IMMP2L: variants seen among roughly 807,000 people sequenced by gnomAD.
The protein encoded by IMMP2L is inner mitochondrial membrane peptidase subunit 2, also known as mitochondrial inner membrane protease subunit 2.
A neutral mutation model predicts 19.3 loss-of-function variants in IMMP2L; 18 were observed. That is an observed-to-expected ratio of 0.93 (90% CI 0.64 to 1.38). IMMP2L has a LOEUF of 1.38. Ranked by LOEUF, IMMP2L falls within the 40% of genes most tolerant of loss-of-function variation. The pLI is 0.00. For missense variants in IMMP2L, 233 were observed against 218.2 expected, an observed-to-expected ratio of 1.07 and a Z score of -0.43; for synonymous variants, 76 against 73.0, an observed-to-expected ratio of 1.04 and a Z score of -0.21.
intron 3 of IMMP2L, among the ~76,000 whole-genome samples, chr7:111,324,052 T>G (rs567649848): frequency 6.6e-6 from 1 of 152,092 alleles, no homozygotes; most frequent in East Asian, 1.9e-4. Flanking sequence ...AATGATGAGT[T>G]AATGGGTGCA....
intron 3 of IMMP2L, among the ~76,000 whole-genome samples, chr7:111,028,447 C>A (rs1827085371): frequency 6.6e-6 from 1 of 152,108 alleles, no homozygotes; most frequent in South Asian, 2.1e-4. Flanking sequence ...AGGGAAATCT[C>A]ATTACTGCTG....
At chr7:110,825,764 G>C (rs1242982564) in intron 5 of IMMP2L, among the ~76,000 whole-genome samples, 3 of 152,140 alleles carry the variant, frequency 2.0e-5, no homozygotes, top group South Asian at 4.1e-4. Context: ...TACCATTCAG[G>C]ACATAGGCAT....
At chr7:111,538,806 C>A (rs1182307904) in intron 1 of IMMP2L, among the ~76,000 whole-genome samples, 2 of 131,576 alleles carry the variant, frequency 1.5e-5, no homozygotes, top group East Asian at 4.4e-4. Context: ...CAATGAGACC[C>A]TGGCTCATTT....
Position 111,266,106 on chromosome 7 carries a change from TTGTC to T in IMMP2L, c.239+221128_239+221131del, listed in dbSNP as rs770464161. Among the ~76,000 whole-genome samples the T allele has an allele frequency of 3.1e-4, 47 of 152,330 alleles. No individual in the cohort carries two copies. In the South Asian group the frequency reaches 3.5e-3, roughly 11 times the overall value. ...AAGCATATTTTACTTACTTAGTTTA[TTGTC>T]TGTCTTCCTTGAATATAATGTAATA... On this transcript the variant is annotated intron_variant, in intron 3 of 5. Coordinates refer to ENST00000405709, the MANE Select transcript of IMMP2L (RefSeq NM_032549.4).
At chr7:111,273,543 G>A (rs1048918680) in intron 3 of IMMP2L, among the ~76,000 whole-genome samples, 1 of 152,104 alleles carries the variant, frequency 6.6e-6, no homozygotes, top group African/African-American at 2.4e-5. Context: ...ATGGGTATGG[G>A]GTCATCATGA....
rs186334249 is a variant in IMMP2L, at chr7:111,280,969, C to T, written c.239+206269G>A. Among the ~76,000 whole-genome samples, 676 of 151,708 alleles carry T rather than the reference C, an allele frequency of 4.5e-3. 21 individuals carry two copies. The highest frequency in any genetic ancestry group is 0.039 in the Admixed American group (591 of 15,178). On this transcript the variant is annotated intron_variant, in intron 3 of 5. Coordinates refer to ENST00000405709, the MANE Select transcript of IMMP2L (RefSeq NM_032549.4). ...CCTGTAGTCCCAGCTACTTGGGAGG[C>T]TGAGGTAGGAGAATGGCGTGAACCC...
rs1814631525 is a variant in IMMP2L, at chr7:110,924,433, G to T, written c.306-37738C>A. Among the ~76,000 whole-genome samples the T allele has an allele frequency of 6.6e-6, 1 of 152,064 alleles. No individual in the cohort carries two copies. Among genetic ancestry groups the T allele is most frequent in the Non-Finnish European group, 1.5e-5 (1 of 68,004 alleles). ...ATGACATACCAGACTCATTAAAGGG[G>T]CCCCATCCTTCTGGCCAGTCACAAG... On this transcript the variant is annotated intron_variant, in intron 4 of 5. Transcript: ENST00000405709. The surrounding 1 kb of genome is among the most constrained non-coding windows in gnomAD (Gnocchi z 4.2).
intron 5 of IMMP2L, among the ~76,000 whole-genome samples, chr7:110,666,042 G>A (rs1200770542): frequency 6.6e-6 from 1 of 151,958 alleles, no homozygotes; most frequent in South Asian, 2.1e-4. Flanking sequence ...ATATCAAGAA[G>A]TCCTTTTTTT....
intron 3 of IMMP2L, among the ~76,000 whole-genome samples, chr7:110,970,812 T>C (rs897165554): frequency 6.6e-6 from 1 of 152,066 alleles, no homozygotes. Context: ...CTTAACATCA[T>C]GGAATAAAAC....
chr7:111,175,550 A>C (rs1033077787), intron 3 of IMMP2L, among the ~76,000 whole-genome samples: 1 of 151,500 alleles, frequency 6.6e-6, no homozygotes, highest in East Asian at 1.9e-4. Context: ...AATTTTATCT[A>C]CAATGTGGAG....
chr7:110,949,656 A>G (rs1270688512), intron 4 of IMMP2L, among the ~76,000 whole-genome samples: 1 of 152,148 alleles, frequency 6.6e-6, no homozygotes, highest in Non-Finnish European at 1.5e-5. Flanking sequence ...TAGATTTCTC[A>G]GATAGTATGG....
intron 3 of IMMP2L, among the ~76,000 whole-genome samples, chr7:111,438,340 A>T (rs1837391423): frequency 6.6e-6 from 1 of 151,848 alleles, no homozygotes; most frequent in Non-Finnish European, 1.5e-5. Flanking sequence ...TTATAGAACT[A>T]CATTTTTTTA....
intron 3 of IMMP2L, among the ~76,000 whole-genome samples, chr7:111,284,759 A>G (rs1340020349): frequency 2.0e-5 from 3 of 152,218 alleles, no homozygotes; most frequent in Non-Finnish European, 4.4e-5. Context: ...CAGCTATGAC[A>G]ATGTACTCTG....
chr7:111,029,533 G>T (rs1358776989), intron 3 of IMMP2L, among the ~76,000 whole-genome samples: 1 of 152,094 alleles, frequency 6.6e-6, no homozygotes, highest in Non-Finnish European at 1.5e-5. Flanking sequence ...TCAAAGATTT[G>T]TTTTAACCTA....
At chr7:110,819,120 T>TA (rs893519274) in intron 5 of IMMP2L, among the ~76,000 whole-genome samples, 1 of 150,160 alleles carries the variant, frequency 6.7e-6, no homozygotes, top group South Asian at 2.1e-4. Flanking sequence ...AATAACAAAA[T>TA]AAAAAAAAGA....
chr7:110,764,380 T>A (rs1181927744), intron 5 of IMMP2L, among the ~76,000 whole-genome samples: 1 of 152,122 alleles, frequency 6.6e-6, no homozygotes, highest in Non-Finnish European at 1.5e-5. Context: ...ATTCATTTAA[T>A]CATAAAGCAA....
intron 3 of IMMP2L, among the ~76,000 whole-genome samples, chr7:111,160,042 A>T (rs61141296): frequency 0.017 from 2,620 of 152,116 alleles, 90 homozygotes; most frequent in African/African-American, 0.061. Context: ...TCTTAAGGGT[A>T]TTTTAGTACT....
At chr7:111,359,585 A>C (rs1829065182) in intron 3 of IMMP2L, among the ~76,000 whole-genome samples, 2 of 152,066 alleles carry the variant, frequency 1.3e-5, no homozygotes, top group South Asian at 4.2e-4. Flanking sequence ...TACAGACGTA[A>C]GTCACCGTGC....
At chr7:111,010,485 G>A (rs1307489127) in intron 3 of IMMP2L, among the ~76,000 whole-genome samples, 1 of 152,012 alleles carries the variant, frequency 6.6e-6, no homozygotes, top group African/African-American at 2.4e-5. Flanking sequence ...CATCCTAACA[G>A]GTATAAGCAG....
Sources: allele counts gnomAD v4.1 joint callset (sites outside exome capture counted in the v4.1 genomes callset), GRCh38; gene constraint gnomAD v4.1.1; non-coding constraint Gnocchi (gnomAD v3.1); transcripts MANE v1.5; gene names NCBI Gene and HGNC (gene_info 2026-07-23, HGNC 2026-07-21).